The following RHOT1 variants were observed in gnomAD, a reference collection of about 807,000 sequenced individuals.
RHOT1 encodes the protein mitochondrial Rho GTPase 1.
In RHOT1, 27 loss-of-function variants were observed where a neutral mutation model predicts 95.3. The ratio of observed to expected loss-of-function variants is 0.28; its 90% CI spans 0.21 to 0.39. RHOT1 has a LOEUF of 0.39. Ranked by LOEUF, RHOT1 falls within the 10% of genes least tolerant of loss-of-function variation. The probability of loss-of-function intolerance (pLI) is 1.00; values close to 1 mark genes in which losing one functional copy is unlikely to be tolerated. For synonymous variants in RHOT1, 227 were observed against 263.5 expected (o/e 0.86, Z 1.34); for missense variants, 578 against 786.7 (o/e 0.73, Z 3.17).
At chr17:32,215,558 T>A (rs1011371551) in intron 19 of RHOT1, among the ~76,000 whole-genome samples, 2 of 144,312 alleles carry the variant, frequency 1.4e-5, no homozygotes, top group African/African-American at 2.5e-5. Context: ...TTGGTTATAT[T>A]TTCAGTGATG....
chr17:32,148,727 A>G (rs977645489), intron 1 of RHOT1, among the ~76,000 whole-genome samples: 14 of 152,262 alleles, frequency 9.2e-5, no homozygotes, highest in Admixed American at 2.6e-4. Flanking sequence ...CTAAAGAAAC[A>G]TAAAAATGAG....
chr17:32,218,645 T>A (rs1031992348), intron 19 of RHOT1, among the ~76,000 whole-genome samples: 2 of 150,738 alleles, frequency 1.3e-5, no homozygotes, highest in Non-Finnish European at 2.9e-5. Flanking sequence ...AAGACCCCCA[T>A]CTCTACAAAA....
chr17:32,213,278 T>C (rs2038251234), intron 19 of RHOT1, among the ~76,000 whole-genome samples: 1 of 152,262 alleles, frequency 6.6e-6, no homozygotes, highest in African/African-American at 2.4e-5. Context: ...AAACATTATT[T>C]CTGTCATTTG....
At chr17:32,152,432 CT>C (rs2032426516) in intron 1 of RHOT1, among the ~76,000 whole-genome samples, 1 of 152,202 alleles carries the variant, frequency 6.6e-6, no homozygotes, top group African/African-American at 2.4e-5. Context: ...CAGAAGGAGA[CT>C]GTGACTGGGA....
intron 19 of RHOT1, among the ~76,000 whole-genome samples, chr17:32,217,522 C>A (rs189145496): frequency 6.6e-6 from 1 of 151,764 alleles, no homozygotes; most frequent in Non-Finnish European, 1.5e-5. Flanking sequence ...TTTGGGAGGC[C>A]GAGGAGGGCA....
intron 8 of RHOT1, among the ~76,000 whole-genome samples, chr17:32,186,426 C>A (rs1345799934): frequency 2.0e-5 from 3 of 150,106 alleles, no homozygotes; most frequent in African/African-American, 4.9e-5. Context: ...TCCAGTGGCA[C>A]AATCTCGGCT....
At chr17:32,211,955 G>C (rs1040857183) in intron 19 of RHOT1, among the ~76,000 whole-genome samples, 1 of 152,122 alleles carries the variant, frequency 6.6e-6, no homozygotes. Context: ...CAATAATCTT[G>C]GAAGGTTGTA....
intron 1 of RHOT1, among the ~76,000 whole-genome samples, chr17:32,158,748 G>A (rs1224790942): frequency 6.6e-6 from 1 of 152,164 alleles, no homozygotes; most frequent in Non-Finnish European, 1.5e-5. Flanking sequence ...ATGAGCCAGC[G>A]TGTCCGGCCG....
chr17:32,211,718 A>T (rs2038146449), intron 19 of RHOT1, among the ~76,000 whole-genome samples: 1 of 152,202 alleles, frequency 6.6e-6, no homozygotes, highest in Admixed American at 6.5e-5. Context: ...TTATAATTAT[A>T]ATCTGCTTTT....
chr17:32,206,441 C>CTTTTTTTTTTTT (rs34176535), intron 16 of RHOT1, among the ~76,000 whole-genome samples: 2 of 67,010 alleles, frequency 3.0e-5, no homozygotes, highest in Non-Finnish European at 6.0e-5. Flanking sequence ...TCTATACTTT[C>CTTTTTTTTTTTT]TTTTTTTTTT....
intron 1 of RHOT1, among the ~76,000 whole-genome samples, chr17:32,161,330 C>T (rs1045572374): frequency 1.3e-5 from 2 of 152,108 alleles, no homozygotes; most frequent in African/African-American, 2.4e-5. Flanking sequence ...TTGTGGGTTC[C>T]GGTAGAGTCA....
chr17:32,209,721 T>C, intron 18 of RHOT1: 1 of 273,274 alleles, frequency 3.7e-6, no homozygotes, highest in Non-Finnish European at 7.1e-6. Flanking sequence ...TGTTATATGA[T>C]AAATGTACAT....
At position 32,225,013 on chromosome 17, in the gene RHOT1, C is replaced by T. The variant is rs2142980024; in HGVS notation, c.*280C>T. The T allele has an allele frequency of 4.9e-6, 1 of 204,206 alleles. No homozygotes were observed. Among genetic ancestry groups the T allele is most frequent in the Middle Eastern group, 2.1e-3 (1 of 472 alleles). The allele number at this position is 204,206 out of a possible 1,614,324, so 12.6% of individuals were successfully genotyped here. On this transcript the variant is annotated 3_prime_UTR_variant, in exon 20 of 20. Transcript: ENST00000545287. Reference sequence around the variant, plus strand: ...ACATATTCAGGCAAGATATGGTCTCCCAAGCTGAGTTCTAGAAATGATGTT... The same window carrying T: ...ACATATTCAGGCAAGATATGGTCTCTCAAGCTGAGTTCTAGAAATGATGTT...
At chr17:32,206,252 C>G (rs1042468880) in intron 16 of RHOT1, among the ~76,000 whole-genome samples, 12 of 118,592 alleles carry the variant, frequency 1.0e-4, no homozygotes, top group African/African-American at 1.7e-4. Flanking sequence ...GTCACCCAGG[C>G]TGGAATGCAG....
In RHOT1 at chr17:32,194,110, A is replaced by G; in HGVS notation, c.869+3A>G. The G allele has an allele frequency of 2.5e-6, 4 of 1,611,794 alleles. No homozygotes were observed. The highest frequency in any genetic ancestry group is 2.5e-6 in the Non-Finnish European group (3 of 1,179,300). On this transcript the variant is annotated splice_donor_region_variant and intron_variant, in intron 11 of 19. Transcript: ENST00000545287. ...ACACCTGAATATTTGTTCCCCCTGT[A>G]TGTACCTTTGTTTTTTTTGTTGTTG... is the stretch of plus-strand genomic sequence containing the variant.
chr17:32,187,905 T>C (rs2036179445), intron 8 of RHOT1, among the ~76,000 whole-genome samples: 1 of 152,224 alleles, frequency 6.6e-6, no homozygotes, highest in Admixed American at 6.5e-5. Flanking sequence ...TCAAATAATA[T>C]TTTGTGATAG....
chr17:32,199,631 C>A, intron 13 of RHOT1, 81 bp downstream of exon 13: 2 of 1,197,964 alleles, frequency 1.7e-6, no homozygotes, highest in South Asian at 1.7e-5. Flanking sequence ...ACTTTGTAAG[C>A]TTGTGAGGCA....
chr17:32,195,746 A>C (rs911846026), intron 11 of RHOT1, among the ~76,000 whole-genome samples: 2 of 152,234 alleles, frequency 1.3e-5, no homozygotes, highest in African/African-American at 4.8e-5. Flanking sequence ...TCCATTAATC[A>C]GTTCTAAATT....
rs569527832 is a variant in RHOT1 at position 32,225,264 on chromosome 17, A to G, written c.*531A>G. ...TTACCAACATGACATTTTTTCAGTC[A>G]GTTGTGGTAGGCCAGCCTTGAAGCC... On this transcript the variant is annotated 3_prime_UTR_variant, in exon 20 of 20. Coordinates refer to ENST00000545287, the MANE Select transcript of RHOT1 (RefSeq NM_001033566.3). 1 of 153,582 alleles carries G rather than the reference A, an allele frequency of 6.5e-6. No homozygotes were observed. Among genetic ancestry groups the G allele is most frequent in the Non-Finnish European group, 1.5e-5 (1 of 68,680 alleles). 9.5% of individuals were successfully genotyped at this position (153,582 alleles called of 1,614,324 possible). A position where few individuals can be genotyped will look rare whatever the true frequency, so the allele number is the denominator to read the frequency against.
Sources: allele counts gnomAD v4.1 joint callset (sites outside exome capture counted in the v4.1 genomes callset), GRCh38; gene constraint gnomAD v4.1.1; transcripts MANE v1.5; gene names NCBI Gene and HGNC (gene_info 2026-07-23, HGNC 2026-07-21).